Variants in TMEM253 observed in about 807,000 individuals in gnomAD.
TMEM253 encodes the protein transmembrane protein 253.
In TMEM253, 22 loss-of-function variants were observed where a neutral mutation model predicts 20.3. That is an observed-to-expected ratio of 1.08 (90% CI 0.78 to 1.55). The LOEUF (loss-of-function observed/expected upper bound fraction) is 1.55, where lower values mean the gene tolerates loss of function less well. TMEM253 is among the 40% of genes most tolerant of loss of function. The pLI, the probability that TMEM253 is intolerant of heterozygous loss-of-function variation, is 0.00. For missense variants in TMEM253, 251 were observed against 266.1 expected (o/e 0.94, Z 0.39); for synonymous variants, 92 against 102.6 (o/e 0.90, Z 0.62).
chr14:21,101,515 C>A, intron 2 of TMEM253, 64 bp downstream of exon 2: 1 of 1,406,048 alleles, frequency 7.1e-7, no homozygotes, highest in Non-Finnish European at 9.8e-7. Context: ...CAATTCCATC[C>A]ATCCATCCAT....
Position 21,101,824 on chromosome 14 carries a change from C to T in TMEM253, c.109-41C>T, listed in dbSNP as rs905544156. ...TAGGAGTTACGAGAAGGGAGGGAAT[C>T]CCTGACAGTTCCTCCCCAATTACCC... On this transcript the variant is annotated intron_variant, in intron 2 of 6. Coordinates refer to ENST00000556585, the Ensembl canonical transcript of TMEM253. 5 of 1,469,364 alleles carry T rather than the reference C, an allele frequency of 3.4e-6. No homozygotes were observed. In the African/African-American group the frequency reaches 7.0e-5, roughly 21 times the overall value. The allele number at this position is 1,469,364 out of a possible 1,614,324, so 91.0% of individuals were successfully genotyped here. A position where few individuals can be genotyped will look rare whatever the true frequency, so the allele number is the denominator to read the frequency against.
chr14:21,103,291 C>T, exon 7 of TMEM253: 1 of 1,539,974 alleles, frequency 6.5e-7, no homozygotes, highest in Non-Finnish European at 8.8e-7. Context: ...TGCATCCCAC[C>T]CCACCAAACT....
chr14:21,100,773 A>G (rs968338641), upstream of TMEM253, among the ~76,000 whole-genome samples: 33 of 152,270 alleles, frequency 2.2e-4, no homozygotes, highest in African/African-American at 7.7e-4. Context: ...ACCAATCCAG[A>G]CAGAAAGTAG....
chr14:21,101,242 G>A, intron 1 of TMEM253, 58 bp downstream of exon 1: 1 of 1,078,532 alleles, frequency 9.3e-7, no homozygotes, highest in South Asian at 1.5e-5. Context: ...CAGAGGTGTA[G>A]CTGAAAGATA....
chr14:21,100,693 A>G (rs2139342927), upstream of TMEM253, among the ~76,000 whole-genome samples: 1 of 152,346 alleles, frequency 6.6e-6, no homozygotes, highest in Middle Eastern at 3.4e-3. Flanking sequence ...AGAAAGTGAG[A>G]GGCAAGAAAG....
At chr14:21,100,163 G>C (rs1040690510), upstream of TMEM253, among the ~76,000 whole-genome samples, 1 of 152,104 alleles carries the variant, frequency 6.6e-6, no homozygotes, top group Admixed American at 6.5e-5. Context: ...AGGAGTTTGA[G>C]ACCAGCTTAG....
chr14:21,100,103 C>A (rs944659361), upstream of TMEM253, among the ~76,000 whole-genome samples: 1 of 152,124 alleles, frequency 6.6e-6, no homozygotes, highest in Non-Finnish European at 1.5e-5. Context: ...TGGCCCACAC[C>A]TGTAATCCCA....
chr14:21,101,125 C>A, exon 1 of TMEM253: 1 of 452,182 alleles, frequency 2.2e-6, no homozygotes, highest in South Asian at 2.2e-5. Context: ...CTATCAAGCC[C>A]CTTAGGAGAC....
chr14:21,100,302 G>C (rs544891751), upstream of TMEM253, among the ~76,000 whole-genome samples: 3 of 152,170 alleles, frequency 2.0e-5, no homozygotes, highest in Non-Finnish European at 4.4e-5. Context: ...GAAGGTGTTG[G>C]CTACAGTGAG....
chr14:21,098,849 C>T, upstream of TMEM253: 1 of 1,287,742 alleles, frequency 7.8e-7, no homozygotes, highest in East Asian at 5.6e-5. Flanking sequence ...TCTGCCCCAA[C>T]ATGCACAGAC....
At chr14:21,103,064 G>T (rs57471121) in intron 6 of TMEM253, 75 bp from the exon 7 acceptor site, 1 of 1,548,276 alleles carries the variant, frequency 6.5e-7, no homozygotes, top group African/African-American at 1.4e-5. Context: ...TTGGGCAGGA[G>T]GAAGCAGTTG....
rs1053903301 is a variant in TMEM253 at position 21,101,809 on chromosome 14, G to C, written c.109-56G>C. The C allele has an allele frequency of 2.3e-5, 33 of 1,407,498 alleles. 1 individual carries two copies. The highest frequency in any genetic ancestry group is 3.1e-5 in the Non-Finnish European group (32 of 1,024,922). The allele number at this position is 1,407,498 out of a possible 1,614,324, so 87.2% of individuals were successfully genotyped here. ...TGATCTCTAAAGAGGTAGGAGTTAC[G>C]AGAAGGGAGGGAATCCCTGACAGTT... On this transcript the variant is annotated intron_variant, in intron 2 of 6. Coordinates refer to ENST00000556585, the Ensembl canonical transcript of TMEM253.
At chr14:21,102,189 G>A in intron 4 of TMEM253, 69 bp downstream of exon 4, 1 of 1,492,172 alleles carries the variant, frequency 6.7e-7, no homozygotes, top group Non-Finnish European at 9.0e-7. Context: ...CCTCAGCCTA[G>A]GAAGTAAGTG....
exon 7 of TMEM253, chr14:21,103,567 C>T (rs1428984695): frequency 6.3e-6 from 2 of 315,636 alleles, no homozygotes; most frequent in African/African-American, 2.2e-5. Context: ...CACTCCAAAT[C>T]CCGGACCCTG....
chr14:21,102,685 G>C, exon 6 of TMEM253: 2 of 1,551,594 alleles, frequency 1.3e-6, no homozygotes, highest in Non-Finnish European at 1.7e-6. Flanking sequence ...ACCCTAGGGG[G>C]AGTGCTGGTC....
At position 21,103,345 on chromosome 14, in the gene TMEM253, A is replaced by G. The variant is rs1889769546; in HGVS notation, c.*87A>G. Reference sequence around the variant, plus strand: ...CTTCGAGTCCAATAGGAAGTCCGGGAGTGCCTTCAGTTTTCACTCAAAGCA... The same window carrying G: ...CTTCGAGTCCAATAGGAAGTCCGGGGGTGCCTTCAGTTTTCACTCAAAGCA... On this transcript the variant is annotated 3_prime_UTR_variant, in exon 7 of 7. Transcript: ENST00000556585. 2.0e-6 allele frequency: 3 copies of G among 1,473,968 alleles called. No individual in the cohort carries two copies. In the East Asian group the frequency reaches 7.4e-5, roughly 37 times the overall value. The allele number at this position is 1,473,968 out of a possible 1,614,324, so 91.3% of individuals were successfully genotyped here. A position where few individuals can be genotyped will look rare whatever the true frequency, so the allele number is the denominator to read the frequency against.
chr14:21,100,816 GA>G (rs1299477913), upstream of TMEM253, among the ~76,000 whole-genome samples: 1 of 152,172 alleles, frequency 6.6e-6, no homozygotes, highest in African/African-American at 2.4e-5. Context: ...ATTTGAGGAG[GA>G]AGCCAAAGAA....
chr14:21,103,424 T>C (rs1889776797), exon 7 of TMEM253: 4 of 1,154,966 alleles, frequency 3.5e-6, no homozygotes, highest in Non-Finnish European at 4.7e-6. Flanking sequence ...GACGAGAATA[T>C]ATCCTCACCT....
At chr14:21,101,696 A>G (rs560604383) in intron 2 of TMEM253, 169 bp from the exon 3 acceptor site, 1 of 669,584 alleles carries the variant, frequency 1.5e-6, no homozygotes, top group Admixed American at 2.9e-5. Flanking sequence ...TATGAGGCAG[A>G]AAAAATTAAA....
Sources: gnomAD v4.1 joint callset for allele counts (sites outside exome capture counted in the v4.1 genomes callset) on GRCh38, gnomAD v4.1.1 for gene constraint, MANE v1.5 for transcripts, NCBI Gene and HGNC (gene_info 2026-07-23, HGNC 2026-07-21) for gene names.